Variants in GNAS observed in about 807,000 individuals in gnomAD.
GNAS encodes the protein protein ALEX.
A neutral mutation model predicts 54.5 loss-of-function variants in GNAS; 8 were observed. The ratio of observed to expected loss-of-function variants is 0.15; its 90% confidence interval spans 0.09 to 0.26. GNAS has a LOEUF of 0.26. GNAS is among the 10% of genes least tolerant of loss of function. The pLI, the probability that GNAS is intolerant of heterozygous loss-of-function variation, is 1.00. For missense variants in GNAS, 170 were observed against 529.8 expected (o/e 0.32, Z 6.67); for synonymous variants, 204 against 191.4 (o/e 1.07, Z -0.54).
chr20:58,846,374 T>C (rs1000265420), intron 1 of GNAS, among the ~76,000 whole-genome samples: 118 of 152,144 alleles, frequency 7.8e-4, no homozygotes, highest in Non-Finnish European at 1.2e-4. Flanking sequence ...AAATATGGCA[T>C]TGGAGGGCTA....
At chr20:58,875,088 A>G (rs2087719805) in intron 1 of GNAS, among the ~76,000 whole-genome samples, 1 of 152,176 alleles carries the variant, frequency 6.6e-6, no homozygotes, top group African/African-American at 2.4e-5. Context: ...AAATAAGACA[A>G]GGGAAGGTTG....
Position 58,840,971 on chromosome 20 carries a change from T to TGAC in GNAS, c.43+85_43+86insGAC. On this transcript the variant is annotated intron_variant, in intron 1 of 12. Coordinates refer to the GNAS transcript ENST00000306090. The surrounding 1 kb of genome is among the most constrained non-coding windows in gnomAD (Gnocchi z 6.0). ...AAAGGAGGTGAGAAGGAAAGGCAGG[T>TGAC]CAGGGGCGAGTGGGAAGAGAGGAGG... 1 of 1,431,852 alleles carries TGAC rather than the reference T, an allele frequency of 7.0e-7. No homozygotes were observed. Among genetic ancestry groups the TGAC allele is most frequent in the Non-Finnish European group, 9.6e-7 (1 of 1,036,328 alleles). 88.7% of individuals were successfully genotyped at this position (1,431,852 alleles called of 1,614,324 possible).
chr20:58,886,316 A>G (rs908777348), intron 1 of GNAS, among the ~76,000 whole-genome samples: 1 of 152,164 alleles, frequency 6.6e-6, no homozygotes, highest in African/African-American at 2.4e-5. Context: ...TCGTTAGGTG[A>G]CCTAGTGTTT....
chr20:58,905,039 T>G (rs900852934), intron 5 of GNAS, among the ~76,000 whole-genome samples: 1 of 152,238 alleles, frequency 6.6e-6, no homozygotes, highest in Non-Finnish European at 1.5e-5. Flanking sequence ...GAACCATTTA[T>G]TGGCATATTC....
At chr20:58,842,217 CTGGGGGGAAAGACTGATAAG>C (rs2085764123) in intron 1 of GNAS, 2 of 398,554 alleles carry the variant, frequency 5.0e-6, no homozygotes, top group Admixed American at 4.4e-5. Flanking sequence ...CTCGCCAGTC[CTGGGGGGAAAGACTGATAAG>C]TGAAATGTCT....
Position 58,853,679 on chromosome 20 carries a change from C to T in GNAS, c.43+12793C>T, listed in dbSNP as rs1409860574. Reference sequence around the variant, plus strand: ...GCCTTGAGGCCTTCGGCCCAGCACTCATGGAGCCCGGAGCCTTCAGTGGTG... The same window carrying T: ...GCCTTGAGGCCTTCGGCCCAGCACTTATGGAGCCCGGAGCCTTCAGTGGTG... On this transcript the variant is annotated intron_variant, in intron 1 of 12. Coordinates refer to the GNAS transcript ENST00000306090. The surrounding 1 kb of genome is among the most constrained non-coding windows in gnomAD (Gnocchi z 4.4). 4 of 1,613,688 alleles carry T rather than the reference C, an allele frequency of 2.5e-6. No individual in the cohort carries two copies. The highest frequency in any genetic ancestry group is 4.5e-5 in the East Asian group (2 of 44,876).
upstream of GNAS, among the ~76,000 whole-genome samples, chr20:58,889,871 C>T (rs1357157241): frequency 6.6e-6 from 1 of 151,462 alleles, no homozygotes; most frequent in Non-Finnish European, 1.5e-5. Flanking sequence ...CCCGAGGTGG[C>T]CGGGCCACCA....
intron 3 of GNAS, 95 bp downstream of exon 3, chr20:58,899,080 A>C: frequency 1.0e-6 from 1 of 977,190 alleles, no homozygotes. Context: ...GGAAGAAAAT[A>C]AAAATCATTT....
chr20:58,903,597 C>T lies in GNAS; in HGVS notation c.312+12C>T, dbSNP rs763986658. 2.5e-6 allele frequency: 4 copies of T among 1,614,048 alleles called. No individual in the cohort carries two copies. Among genetic ancestry groups the T allele is most frequent in the Admixed American group, 3.3e-5 (2 of 60,036 alleles). On this transcript the variant is annotated intron_variant, in intron 4 of 12. Coordinates refer to ENST00000371085, the MANE Select transcript of GNAS (RefSeq NM_000516.7). ...AAGAGGCGATTGAAGTACGTGCTGG[C>T]TCCTTGTGCTGTCTGTCTTGTAGCG...
intron 1 of GNAS, among the ~76,000 whole-genome samples, chr20:58,885,947 C>T (rs141829073): frequency 1.3e-3 from 198 of 152,326 alleles, no homozygotes; most frequent in African/African-American, 4.2e-3. Context: ...ATTATAATTA[C>T]ATTTGCTCTG....
intron 1 of GNAS, among the ~76,000 whole-genome samples, chr20:58,851,337 GC>G (rs1178339545): frequency 6.6e-6 from 1 of 151,940 alleles, no homozygotes; most frequent in Non-Finnish European, 1.5e-5. Flanking sequence ...GCGGTGGTTC[GC>G]CCGCCTGCAG....
rs895353203 is a variant in GNAS at position 58,892,924 on chromosome 20, T to TA, written c.139+1067dup. ...CCCCAACACTATTTTAATAAACCATTAAAAAAAACACATTTTCCTGCTGGC... is the reference window on the plus strand; with the variant it reads ...CCCCAACACTATTTTAATAAACCATTAAAAAAAAACACATTTTCCTGCTGGC... On this transcript the variant is annotated intron_variant, in intron 1 of 12. Transcript: ENST00000371085. Among the ~76,000 whole-genome samples, 27 of 133,922 alleles carry TA rather than the reference T, an allele frequency of 2.0e-4. No individual in the cohort carries two copies. In the South Asian group the frequency reaches 4.0e-3, roughly 20 times the overall value. The allele number at this position is 133,922 out of a possible 152,430, so 87.9% of individuals were successfully genotyped here.
At chr20:58,858,150 A>G (rs1026548379) in intron 1 of GNAS, among the ~76,000 whole-genome samples, 1 of 152,234 alleles carries the variant, frequency 6.6e-6, no homozygotes, top group South Asian at 2.1e-4. Flanking sequence ...CATGTAGGAC[A>G]AGACTTTTTA....
chr20:58,847,241 ACTACCTCTAATATCAGCCTTGCAT>A (rs35278864), intron 1 of GNAS, among the ~76,000 whole-genome samples: 80,819 of 151,660 alleles, frequency 0.53, 23,299 homozygotes, highest in East Asian at 0.78. Flanking sequence ...GACTTTTTCC[ACTACCTCTAATATCAGCCTTGCAT>A]CTGCCTCTAA....
At chr20:58,886,881 GTAGT>G (rs567158764), upstream of GNAS, among the ~76,000 whole-genome samples, 13 of 152,296 alleles carry the variant, frequency 8.5e-5, no homozygotes, top group Middle Eastern at 3.4e-3. Context: ...TTATCCATCA[GTAGT>G]TAGTCATAAT....
intron 6 of GNAS, 125 bp downstream of exon 6, chr20:58,905,605 C>T (rs959539638): frequency 1.4e-6 from 1 of 717,690 alleles, no homozygotes; most frequent in South Asian, 1.5e-5. Context: ...AACCAGTTAC[C>T]CCACTGGCAG....
chr20:58,906,336 T>G (rs1161640341), intron 6 of GNAS, among the ~76,000 whole-genome samples: 1 of 152,142 alleles, frequency 6.6e-6, no homozygotes, highest in African/African-American at 2.4e-5. Flanking sequence ...CCCAGGCTGC[T>G]TCCCTTGCTG....
At chr20:58,852,155 C>A (rs1187114336) in intron 1 of GNAS, among the ~76,000 whole-genome samples, 1 of 151,904 alleles carries the variant, frequency 6.6e-6, no homozygotes, top group Non-Finnish European at 1.5e-5. Context: ...CTTGGTGGTA[C>A]GCACCCGAGA....
At chr20:58,905,870 AAG>A (rs1411767562) in intron 6 of GNAS, among the ~76,000 whole-genome samples, 1 of 152,134 alleles carries the variant, frequency 6.6e-6, no homozygotes, top group Non-Finnish European at 1.5e-5. Context: ...AAACATAACA[AAG>A]AGGAATGGTG....
Sources: gnomAD v4.1 joint callset for allele counts (sites outside exome capture counted in the v4.1 genomes callset) on GRCh38, gnomAD v4.1.1 for gene constraint, Gnocchi (gnomAD v3.1) non-coding constraint, MANE v1.5 for transcripts, NCBI Gene and HGNC (gene_info 2026-07-23, HGNC 2026-07-21) for gene names.